The following PTPN4 variants were observed in gnomAD, a reference collection of about 807,000 sequenced individuals.
PTPN4 encodes the protein protein tyrosine phosphatase non-receptor type 4.
PTPN4 carries 49 observed loss-of-function variants against 135.5 expected under a neutral mutation model. The ratio of observed to expected loss-of-function variants is 0.36; its 90% confidence interval spans 0.29 to 0.46. The LOEUF (loss-of-function observed/expected upper bound fraction) is 0.46. Ranked by LOEUF, PTPN4 falls within the 20% of genes least tolerant of loss-of-function variation. The pLI, the probability that PTPN4 is intolerant of heterozygous loss-of-function variation, is 1.00. For synonymous variants in PTPN4, 333 were observed against 369.9 expected, an observed-to-expected ratio of 0.90 and a Z score of 1.14; for missense variants, 860 against 1,101.0, an observed-to-expected ratio of 0.78 and a Z score of 3.10.
chr2:119,858,175 A>G (rs776457739), intron 2 of PTPN4, among the ~76,000 whole-genome samples: 2 of 152,240 alleles, frequency 1.3e-5, no homozygotes, highest in Non-Finnish European at 2.9e-5. Flanking sequence ...CCATGAGCCA[A>G]TTAAACTCCT....
At chr2:119,912,051 A>G (rs557476557) in intron 10 of PTPN4, among the ~76,000 whole-genome samples, 4 of 152,328 alleles carry the variant, frequency 2.6e-5, no homozygotes, top group South Asian at 2.1e-4. Flanking sequence ...AGTGATGGCT[A>G]TTTCCATCCA....
At chr2:119,766,447 C>T (rs1231801365) in intron 1 of PTPN4, among the ~76,000 whole-genome samples, 2 of 63,102 alleles carry the variant, frequency 3.2e-5, no homozygotes, top group Non-Finnish European at 6.5e-5. Context: ...CGCATGTGCG[C>T]GCGTGTGTGT....
In PTPN4 at chr2:119,984,704, A is replaced by G. The variant is rs1402436352; in HGVS notation, c.*7634A>G. ...AAAAAAATTACAACTACAGCAAACA[A>G]GATAAAAATGCTGGTTTGCATTAAT... On this transcript the variant is annotated 3_prime_UTR_variant, in exon 27 of 27. Coordinates refer to ENST00000263708, the MANE Select transcript of PTPN4 (RefSeq NM_002830.4). Among the ~76,000 whole-genome samples, 3 of 152,334 alleles carry G rather than the reference A, an allele frequency of 2.0e-5. No individual in the cohort carries two copies. The highest frequency in any genetic ancestry group is 3.4e-3 in the Middle Eastern group (1 of 294).
At chr2:119,849,993 G>A (rs2104978960) in intron 2 of PTPN4, among the ~76,000 whole-genome samples, 1 of 152,324 alleles carries the variant, frequency 6.6e-6, no homozygotes, top group South Asian at 2.1e-4. Flanking sequence ...AATCTTTGAT[G>A]TTTGTTCTGA....
chr2:119,885,777 T>A lies in PTPN4; in HGVS notation c.588-18T>A, dbSNP rs1678147349. ...TTGATTGATTGATCTCATTTTTAAC[T>A]TAATGATGTCTTTATAGAGGCTTAT... On this transcript the variant is annotated intron_variant, in intron 8 of 26. Transcript: ENST00000263708. The A allele has an allele frequency of 6.7e-7, 1 of 1,503,240 alleles. No individual in the cohort carries two copies. Among genetic ancestry groups the A allele is most frequent in the African/African-American group, 1.4e-5 (1 of 70,632 alleles). The allele number at this position is 1,503,240 out of a possible 1,614,324, so 93.1% of individuals were successfully genotyped here.
intron 3 of PTPN4, among the ~76,000 whole-genome samples, chr2:119,870,823 T>C (rs928247989): frequency 1.3e-5 from 2 of 151,974 alleles, no homozygotes; most frequent in Admixed American, 1.3e-4. Context: ...AATAGTATAG[T>C]TGGGTAAGAG....
intron 12 of PTPN4, among the ~76,000 whole-genome samples, chr2:119,923,439 C>T (rs1678766771): frequency 6.6e-6 from 1 of 152,138 alleles, no homozygotes. Flanking sequence ...ACTTGTGGGC[C>T]ATCCTTTGTC....
chr2:119,790,903 A>T (rs1196741674), intron 1 of PTPN4, among the ~76,000 whole-genome samples: 1 of 152,106 alleles, frequency 6.6e-6, no homozygotes, highest in African/African-American at 2.4e-5. Flanking sequence ...CATGGGGGGA[A>T]CTGCAACTTA....
chr2:119,973,655 G>GTTTT (rs70949378), intron 26 of PTPN4, among the ~76,000 whole-genome samples: 425 of 38,370 alleles, frequency 0.011, 105 homozygotes, highest in East Asian at 0.014. Flanking sequence ...TTCATTTCTT[G>GTTTT]TTTTTTTTTT....
intron 2 of PTPN4, among the ~76,000 whole-genome samples, chr2:119,835,587 T>C (rs1677278972): frequency 6.6e-6 from 1 of 152,200 alleles, no homozygotes; most frequent in African/African-American, 2.4e-5. Flanking sequence ...TCAGTCTATA[T>C]TCTCTATAAG....
chr2:119,923,873 C>T (rs938462448), intron 12 of PTPN4, among the ~76,000 whole-genome samples: 1 of 152,060 alleles, frequency 6.6e-6, no homozygotes, highest in Non-Finnish European at 1.5e-5. Context: ...CACGGTGGCT[C>T]ACGCCTGTAA....
At position 119,977,115 on chromosome 2, in the gene PTPN4, T is replaced by C. The variant is rs1388531378; in HGVS notation, c.*45T>C. ...ATATGTGTTGGAAAACTGCTTTCCCTTATGTTCACTGTGCCATAATGCTGC... is the reference window on the plus strand; with the variant it reads ...ATATGTGTTGGAAAACTGCTTTCCCCTATGTTCACTGTGCCATAATGCTGC... On this transcript the variant is annotated 3_prime_UTR_variant, in exon 27 of 27. Transcript: ENST00000263708. The C allele has an allele frequency of 1.3e-6, 2 of 1,549,238 alleles. No individual in the cohort carries two copies. Among genetic ancestry groups the C allele is most frequent in the Non-Finnish European group, 1.7e-6 (2 of 1,155,042 alleles).
rs149814166 is a variant in PTPN4 at position 119,917,384 on chromosome 2, A to G, written c.828+2142A>G. 3.6e-3 allele frequency among the ~76,000 whole-genome samples: 551 copies of G among 152,338 alleles called. 3 individuals carry two copies. The highest frequency in any genetic ancestry group is 0.013 in the African/African-American group (529 of 41,580). Reference sequence around the variant, plus strand: ...CTATTGGGTGAGATATGCCTTCCTCAGACTTTGTTACAGCATAGGCACATT... The same window carrying G: ...CTATTGGGTGAGATATGCCTTCCTCGGACTTTGTTACAGCATAGGCACATT... On this transcript the variant is annotated intron_variant, in intron 11 of 26. Transcript: ENST00000263708.
In PTPN4 at chr2:119,844,496, C is replaced by T. The variant is rs1158089658; in HGVS notation, c.139-18040C>T. 8.3e-4 allele frequency among the ~76,000 whole-genome samples: 118 copies of T among 141,892 alleles called. 1 individual carries two copies. In the East Asian group the frequency reaches 0.024, roughly 28 times the overall value. 93.1% of individuals were successfully genotyped at this position (141,892 alleles called of 152,430 possible). ...GCGGAGGGGCTCCTCACTTCTCAGA[C>T]GGGGTGGTTGCCGGGCAGAGGGTCT... On this transcript the variant is annotated intron_variant, in intron 2 of 26. Transcript: ENST00000263708.
At chr2:119,976,209 G>A (rs1032377339) in intron 26 of PTPN4, among the ~76,000 whole-genome samples, 1 of 151,862 alleles carries the variant, frequency 6.6e-6, no homozygotes, top group African/African-American at 2.4e-5. Flanking sequence ...GTGTTAGCCA[G>A]GATGGTCTCG....
chr2:119,957,990 T>G (rs1679312849), intron 22 of PTPN4, among the ~76,000 whole-genome samples: 1 of 152,102 alleles, frequency 6.6e-6, no homozygotes. Flanking sequence ...CTTAAAGAGA[T>G]GAATTTGACA....
rs943749450 is a variant in PTPN4 at position 119,760,271 on chromosome 2, G to C, written c.-131G>C. 2.5e-6 allele frequency: 1 copy of C among 396,354 alleles called. No individual in the cohort carries two copies. The highest frequency in any genetic ancestry group is 3.6e-5 in the East Asian group (1 of 27,966). The allele number at this position is 396,354 out of a possible 1,614,324, so 24.6% of individuals were successfully genotyped here. A position where few individuals can be genotyped will look rare whatever the true frequency, so the allele number is the denominator to read the frequency against. On this transcript the variant is annotated 5_prime_UTR_variant, in exon 1 of 27. Coordinates refer to ENST00000263708, the MANE Select transcript of PTPN4 (RefSeq NM_002830.4). ...CGACCGCTGCGGCGGCGGCTGCTCGGGGGGCGCTGAGGTAGCCCCCCGGAG... is the reference window on the plus strand; with the variant it reads ...CGACCGCTGCGGCGGCGGCTGCTCGCGGGGCGCTGAGGTAGCCCCCCGGAG...
At chr2:119,855,951 C>T (rs1677672135) in intron 2 of PTPN4, among the ~76,000 whole-genome samples, 1 of 151,976 alleles carries the variant, frequency 6.6e-6, no homozygotes, top group East Asian at 1.9e-4. Context: ...ACTACAGGCA[C>T]CCGCCACCGC....
rs888283035 is a variant in PTPN4, at chr2:119,899,979, G to A, written c.676-739G>A. Among the ~76,000 whole-genome samples the A allele has an allele frequency of 5.3e-5, 8 of 152,082 alleles. No individual in the cohort carries two copies. In the South Asian group the frequency reaches 6.2e-4, roughly 12 times the overall value. ...TAAATGAATGGTAGGTGGTAAAAGC[G>A]TGCCTCCTGTATTAGGTTACTTGTA... is the stretch of plus-strand genomic sequence containing the variant. On this transcript the variant is annotated intron_variant, in intron 9 of 26. Transcript: ENST00000263708.
Sources: allele counts gnomAD v4.1 joint callset (sites outside exome capture counted in the v4.1 genomes callset), GRCh38; gene constraint gnomAD v4.1.1; transcripts MANE v1.5; gene names NCBI Gene and HGNC (gene_info 2026-07-23, HGNC 2026-07-21).